The following LSAMP variants were observed in gnomAD, a reference collection of about 807,000 sequenced individuals.
LSAMP encodes the protein limbic system associated membrane protein.
A neutral mutation model predicts 38.6 loss-of-function variants in LSAMP; 7 were observed. The ratio of observed to expected loss-of-function variants is 0.18; its 90% confidence interval spans 0.10 to 0.34. LSAMP has a LOEUF of 0.34. LSAMP is among the 10% of genes least tolerant of loss of function. LSAMP has a pLI of 1.00. For synonymous variants in LSAMP, 154 were observed against 166.8 expected (o/e 0.92, Z 0.59); for missense variants, 313 against 420.0 (o/e 0.75, Z 2.23).
At chr3:115,832,343 C>G (rs1934638355) in intron 6 of LSAMP, among the ~76,000 whole-genome samples, 1 of 152,094 alleles carries the variant, frequency 6.6e-6, no homozygotes, top group East Asian at 1.9e-4. Context: ...TTTACGTCAA[C>G]CAATCTCTAA....
intron 3 of LSAMP, among the ~76,000 whole-genome samples, chr3:115,855,008 T>A (rs898222197): frequency 6.6e-6 from 1 of 152,194 alleles, no homozygotes; most frequent in Non-Finnish European, 1.5e-5. Context: ...CCCCCACCCA[T>A]AATCTTAATC....
At chr3:116,274,178 C>T (rs921503168) in intron 1 of LSAMP, among the ~76,000 whole-genome samples, 1 of 152,118 alleles carries the variant, frequency 6.6e-6, no homozygotes, top group Non-Finnish European at 1.5e-5. Flanking sequence ...AGTTTCTATG[C>T]TTGGTTCATG....
chr3:116,402,241 CA>C (rs1209689762), intron 1 of LSAMP, among the ~76,000 whole-genome samples: 1 of 152,180 alleles, frequency 6.6e-6, no homozygotes, highest in Non-Finnish European at 1.5e-5. Flanking sequence ...AGTGAATAGA[CA>C]TTAGTACATC....
At chr3:116,172,563 T>G (rs931178348) in intron 1 of LSAMP, among the ~76,000 whole-genome samples, 1 of 152,000 alleles carries the variant, frequency 6.6e-6, no homozygotes. Context: ...CAAACCTAGA[T>G]TTAAGAGCAT....
intron 1 of LSAMP, among the ~76,000 whole-genome samples, chr3:116,107,749 C>A (rs1268866769): frequency 6.6e-6 from 1 of 151,920 alleles, no homozygotes; most frequent in Non-Finnish European, 1.5e-5. Context: ...CAAGTGAAAG[C>A]GAAGAGAGGC....
At chr3:115,898,554 C>G (rs1304793576) in intron 3 of LSAMP, among the ~76,000 whole-genome samples, 3 of 150,924 alleles carry the variant, frequency 2.0e-5, no homozygotes, top group Non-Finnish European at 4.4e-5. Context: ...GCATCTCAGT[C>G]CACTTTAGTA....
chr3:116,142,421 CCTAA>C (rs755242431), intron 1 of LSAMP, among the ~76,000 whole-genome samples: 60 of 152,092 alleles, frequency 3.9e-4, no homozygotes, highest in African/African-American at 1.3e-3. Flanking sequence ...CTCTGTTACT[CCTAA>C]CTAAGTGACC....
At chr3:116,223,438 G>A (rs546434178) in intron 1 of LSAMP, among the ~76,000 whole-genome samples, 32 of 152,232 alleles carry the variant, frequency 2.1e-4, no homozygotes, top group Non-Finnish European at 3.8e-4. Flanking sequence ...CCAAAATTGG[G>A]AGATAAATTT....
At chr3:116,280,225 G>T (rs1479739504) in intron 1 of LSAMP, among the ~76,000 whole-genome samples, 1 of 152,104 alleles carries the variant, frequency 6.6e-6, no homozygotes, top group East Asian at 1.9e-4. Flanking sequence ...AATCACATTA[G>T]TTCCCACCAT....
intron 1 of LSAMP, among the ~76,000 whole-genome samples, chr3:116,206,609 G>C (rs1264819058): frequency 6.9e-6 from 1 of 145,252 alleles, no homozygotes; most frequent in African/African-American, 2.5e-5. Context: ...TTGTGTCTTT[G>C]TTCTCGTTGG....
chr3:116,245,469 A>T (rs532447290), intron 1 of LSAMP, among the ~76,000 whole-genome samples: 6 of 152,318 alleles, frequency 3.9e-5, no homozygotes, highest in Non-Finnish European at 7.4e-5. Context: ...TTAGACAGGA[A>T]TACAAAACTC....
At chr3:116,181,647 T>C (rs1047683326) in intron 1 of LSAMP, among the ~76,000 whole-genome samples, 7 of 152,018 alleles carry the variant, frequency 4.6e-5, no homozygotes, top group African/African-American at 1.7e-4. Flanking sequence ...TTAGCCTTTA[T>C]ATGTCCCCTT....
intron 3 of LSAMP, among the ~76,000 whole-genome samples, chr3:115,965,764 G>A (rs184157610): frequency 3.4e-4 from 52 of 151,726 alleles, no homozygotes; most frequent in Non-Finnish European, 8.8e-5. Context: ...ATGAAAAGAT[G>A]AAACTTTATT....
In LSAMP at chr3:115,970,453, A is replaced by G. The variant is rs116802632; in HGVS notation, c.514+49062T>C. Among the ~76,000 whole-genome samples, 648 of 152,242 alleles carry G rather than the reference A, an allele frequency of 4.3e-3. 2 individuals carry two copies. Among genetic ancestry groups the G allele is most frequent in the African/African-American group, 0.015 (623 of 41,556 alleles). The stretch of plus-strand genomic sequence containing the variant: ...CCTTGGCAGTATGTCTGTACCAATC[A>G]GTTTGGCAGGATAATATCTTCAAGT... On this transcript the variant is annotated intron_variant, in intron 3 of 6. Transcript: ENST00000490035.
At chr3:116,146,519 T>C (rs1709494390) in intron 1 of LSAMP, among the ~76,000 whole-genome samples, 1 of 151,950 alleles carries the variant, frequency 6.6e-6, no homozygotes, top group African/African-American at 2.4e-5. Flanking sequence ...TGACACCTTT[T>C]AGAAAAAGTG....
intron 3 of LSAMP, among the ~76,000 whole-genome samples, chr3:115,926,921 C>T (rs749561467): frequency 1.4e-4 from 21 of 152,136 alleles, no homozygotes; most frequent in Non-Finnish European, 2.8e-4. Flanking sequence ...GGTCTCCTTG[C>T]CACTACAATA....
At chr3:116,018,337 C>A (rs76662874) in intron 3 of LSAMP, among the ~76,000 whole-genome samples, 5,683 of 152,174 alleles carry the variant, frequency 0.037, 295 homozygotes, top group African/African-American at 0.12. Flanking sequence ...TCACACCACA[C>A]AATACAGATA....
At chr3:116,063,876 A>T (rs1006009617) in intron 2 of LSAMP, among the ~76,000 whole-genome samples, 7 of 152,226 alleles carry the variant, frequency 4.6e-5, no homozygotes, top group African/African-American at 1.7e-4. Flanking sequence ...TGTTGCGTCT[A>T]AACCAGTTTC....
chr3:116,259,515 A>G (rs1037796533), intron 1 of LSAMP, among the ~76,000 whole-genome samples: 1 of 152,106 alleles, frequency 6.6e-6, no homozygotes, highest in African/African-American at 2.4e-5. Flanking sequence ...AAAAATAATT[A>G]TATGTGTTTG....
Sources: gnomAD v4.1 joint callset for allele counts (sites outside exome capture counted in the v4.1 genomes callset) on GRCh38, gnomAD v4.1.1 for gene constraint, MANE v1.5 for transcripts, NCBI Gene and HGNC (gene_info 2026-07-23, HGNC 2026-07-21) for gene names.